The following GALNT18 variants were observed in gnomAD, a reference collection of about 807,000 sequenced individuals.
GALNT18 encodes the protein polypeptide N-acetylgalactosaminyltransferase 18.
Under a neutral mutation model 69.5 loss-of-function variants are expected in GALNT18, and 44 were observed. The ratio of observed to expected loss-of-function variants is 0.63; its 90% CI spans 0.50 to 0.81. The LOEUF (loss-of-function observed/expected upper bound fraction) is 0.81. Ranked by LOEUF, GALNT18 falls within the 40% of genes least tolerant of loss-of-function variation. The probability of loss-of-function intolerance (pLI) is 0.00; values close to 1 mark genes in which losing one functional copy is unlikely to be tolerated. For missense variants in GALNT18, 715 were observed against 810.0 expected (o/e 0.88, Z 1.42); for synonymous variants, 364 against 318.2 (o/e 1.14, Z -1.53).
intron 1 of GALNT18, among the ~76,000 whole-genome samples, chr11:11,484,359 G>A (rs572704163): frequency 6.6e-5 from 10 of 152,124 alleles, no homozygotes; most frequent in Admixed American, 2.0e-4. Flanking sequence ...CTGGGAGGCC[G>A]AGGTGGGCGG....
In GALNT18 at chr11:11,338,339, A is replaced by G. The variant is rs4909989; in HGVS notation, c.1278+2480T>C. Among the ~76,000 whole-genome samples, 25,824 of 151,886 alleles carry G rather than the reference A, an allele frequency of 0.17. 2,666 individuals are homozygous for G. The highest frequency in any genetic ancestry group is 0.33 in the Admixed American group (5,109 of 15,276). Reference sequence around the variant, plus strand: ...TTTTAAAGATAACTTTGGGTATTGTAGAGGATAGATTTGAAGGAGATAAAG... The same window carrying G: ...TTTTAAAGATAACTTTGGGTATTGTGGAGGATAGATTTGAAGGAGATAAAG... On this transcript the variant is annotated intron_variant, in intron 7 of 10. Transcript: ENST00000227756. This position sits in a 1 kb window ranked among gnomAD's most constrained non-coding sequence, Gnocchi z 5.3.
At position 11,389,457 on chromosome 11, in the gene GALNT18, AG is replaced by A. The variant is rs1226133550; in HGVS notation, c.596-10194del. On this transcript the variant is annotated intron_variant, in intron 3 of 10. Coordinates refer to ENST00000227756, the MANE Select transcript of GALNT18 (RefSeq NM_198516.3). This position sits in a 1 kb window ranked among gnomAD's most constrained non-coding sequence, Gnocchi z 4.3. ...TTGTACTTCCTGGGGCTGTGTGAGG[AG>A]GAAAATCCTGTAAAGTAAAGGTGGG... Among the ~76,000 whole-genome samples the A allele has an allele frequency of 6.6e-6, 1 of 152,206 alleles. No homozygotes were observed. The highest frequency in any genetic ancestry group is 1.5e-5 in the Non-Finnish European group (1 of 68,046).
At chr11:11,295,869 A>C (rs1007823982) in intron 9 of GALNT18, among the ~76,000 whole-genome samples, 1 of 152,182 alleles carries the variant, frequency 6.6e-6, no homozygotes, top group Non-Finnish European at 1.5e-5. Context: ...GTGGAAATGT[A>C]ACCAGAACAA....
At chr11:11,525,923 C>T (rs540094241) in intron 1 of GALNT18, among the ~76,000 whole-genome samples, 68 of 152,220 alleles carry the variant, frequency 4.5e-4, no homozygotes, top group Admixed American at 8.5e-4. Context: ...CATGAGCCAC[C>T]GTGCCCGGCC....
At chr11:11,483,227 C>G (rs1856571421) in intron 1 of GALNT18, among the ~76,000 whole-genome samples, 1 of 152,174 alleles carries the variant, frequency 6.6e-6, no homozygotes, top group Non-Finnish European at 1.5e-5. Context: ...TTTGCCAGCT[C>G]TACTCTTAGC....
At position 11,461,567 on chromosome 11, in the gene GALNT18, C is replaced by G. The variant is rs1245602529; in HGVS notation, c.236-12631G>C. ...AGCACATACCGTTATCCCCCCCGCTCCCGCCCGCCACCGAGCTGACAGCCC... is the reference window on the plus strand; with the variant it reads ...AGCACATACCGTTATCCCCCCCGCTGCCGCCCGCCACCGAGCTGACAGCCC... On this transcript the variant is annotated intron_variant, in intron 1 of 10. Coordinates refer to ENST00000227756, the MANE Select transcript of GALNT18 (RefSeq NM_198516.3). This position sits in a 1 kb window ranked among gnomAD's most constrained non-coding sequence, Gnocchi z 4.1. Among the ~76,000 whole-genome samples the G allele has an allele frequency of 1.3e-5, 2 of 152,164 alleles. No individual in the cohort carries two copies. The highest frequency in any genetic ancestry group is 1.3e-4 in the Admixed American group (2 of 15,278).
intron 10 of GALNT18, among the ~76,000 whole-genome samples, chr11:11,281,387 A>C (rs2132985608): frequency 6.6e-6 from 1 of 152,286 alleles, no homozygotes; most frequent in Non-Finnish European, 1.5e-5. Context: ...TATAAACCGT[A>C]CGGATCGGAG....
In GALNT18 at chr11:11,440,500, C is replaced by T. The variant is rs756276060; in HGVS notation, c.429-7713G>A. Among the ~76,000 whole-genome samples the T allele has an allele frequency of 5.3e-5, 8 of 152,168 alleles. No homozygotes were observed. The East Asian group carries it at 5.8e-4, about 11-fold the overall frequency. The stretch of plus-strand genomic sequence containing the variant: ...GATAGATCCGCAGGGCAAGGGAAGG[C>T]GGATTCTAAGGAAGAATGGGGCAAC... On this transcript the variant is annotated intron_variant, in intron 2 of 10. Transcript: ENST00000227756.
intron 1 of GALNT18, among the ~76,000 whole-genome samples, chr11:11,458,691 A>T (rs1312496135): frequency 2.0e-5 from 3 of 152,238 alleles, no homozygotes; most frequent in Non-Finnish European, 1.5e-5. Flanking sequence ...GAGGGATCAC[A>T]TCATAAACAG....
rs749116879 is a variant in GALNT18, at chr11:11,555,709, C to A, written c.235+65650G>T. Among the ~76,000 whole-genome samples, 3 of 152,186 alleles carry A rather than the reference C, an allele frequency of 2.0e-5. No individual in the cohort carries two copies. The highest frequency in any genetic ancestry group is 2.0e-4 in the Admixed American group (3 of 15,280). ...ACCAGGGAAGCAAGTAATGGTCAAG[C>A]CTTCCTGCAAGGGTGCACCTCCCTC... On this transcript the variant is annotated intron_variant, in intron 1 of 10. Coordinates refer to ENST00000227756, the MANE Select transcript of GALNT18 (RefSeq NM_198516.3). This position sits in a 1 kb window ranked among gnomAD's most constrained non-coding sequence, Gnocchi z 4.7.
At position 11,602,364 on chromosome 11, in the gene GALNT18, G is replaced by T. The variant is rs772792420; in HGVS notation, c.235+18995C>A. On this transcript the variant is annotated intron_variant, in intron 1 of 10. Transcript: ENST00000227756. This position sits in a 1 kb window ranked among gnomAD's most constrained non-coding sequence, Gnocchi z 4.7. ...GGGCAGCCCCAGACCACTCAACCAT[G>T]CTCTGCAACACAGAGCTGGGAGACA... Among the ~76,000 whole-genome samples the T allele has an allele frequency of 5.3e-5, 8 of 152,110 alleles. No homozygotes were observed. The highest frequency in any genetic ancestry group is 1.0e-4 in the Non-Finnish European group (7 of 68,014).
intron 10 of GALNT18, 140 bp from the exon 11 acceptor site, chr11:11,271,430 GCAGGCTCC>G: frequency 1.2e-6 from 1 of 803,826 alleles, no homozygotes; most frequent in Non-Finnish European, 2.0e-6. Context: ...CCATGAAACT[GCAGGCTCC>G]CCTATCACTC....
At position 11,601,432 on chromosome 11, in the gene GALNT18, G is replaced by A. The variant is rs1481945771; in HGVS notation, c.235+19927C>T. ...CCCTATCGAACCCCCTAGGATGACA[G>A]TGATTTTAGCAGAGCTCCTTTTAAC... is the stretch of plus-strand genomic sequence containing the variant. On this transcript the variant is annotated intron_variant, in intron 1 of 10. Coordinates refer to ENST00000227756, the MANE Select transcript of GALNT18 (RefSeq NM_198516.3). The surrounding 1 kb of genome is among the most constrained non-coding windows in gnomAD (Gnocchi z 4.0). Among the ~76,000 whole-genome samples, 1 of 152,204 alleles carries A rather than the reference G, an allele frequency of 6.6e-6. No homozygotes were observed. The highest frequency in any genetic ancestry group is 2.4e-5 in the African/African-American group (1 of 41,452).
At chr11:11,507,214 C>T (rs1178246207) in intron 1 of GALNT18, among the ~76,000 whole-genome samples, 1 of 152,160 alleles carries the variant, frequency 6.6e-6, no homozygotes, top group East Asian at 1.9e-4. Flanking sequence ...TTAAGTCTCT[C>T]ATTCATTCTA....
chr11:11,373,084 G>A (rs543443747), intron 5 of GALNT18, among the ~76,000 whole-genome samples: 1 of 152,274 alleles, frequency 6.6e-6, no homozygotes, highest in South Asian at 2.1e-4. Context: ...AAAGGGTTTT[G>A]GGTAGCAGGG....
intron 3 of GALNT18, among the ~76,000 whole-genome samples, chr11:11,416,751 C>T (rs1344795685): frequency 1.3e-5 from 2 of 152,162 alleles, no homozygotes; most frequent in South Asian, 4.1e-4. Context: ...CCCAGGGTAG[C>T]AGGTCACAGG....
rs1285849483 is a variant in GALNT18 at position 11,308,374 on chromosome 11, TG to T, written c.1513-15182del. Among the ~76,000 whole-genome samples the T allele has an allele frequency of 2.0e-5, 3 of 152,292 alleles. No individual in the cohort carries two copies. The East Asian group carries it at 5.8e-4, about 29-fold the overall frequency. The stretch of plus-strand genomic sequence containing the variant: ...ACATGAGATTTAATTTTTGTCTTTG[TG>T]GGGGTTTCTTATCCTCACTCCACCC... On this transcript the variant is annotated intron_variant, in intron 9 of 10. Transcript: ENST00000227756.
intron 9 of GALNT18, among the ~76,000 whole-genome samples, chr11:11,303,562 G>A (rs1462215544): frequency 1.3e-5 from 2 of 151,904 alleles, no homozygotes; most frequent in Non-Finnish European, 2.9e-5. Flanking sequence ...CTAGATAGAG[G>A]CTGAGCCCAA....
intron 1 of GALNT18, among the ~76,000 whole-genome samples, chr11:11,518,549 G>T (rs886577091): frequency 6.6e-6 from 1 of 152,176 alleles, no homozygotes; most frequent in Non-Finnish European, 1.5e-5. Flanking sequence ...AAATCTGAGG[G>T]TGGAGTGCAG....
Sources: allele counts gnomAD v4.1 joint callset (sites outside exome capture counted in the v4.1 genomes callset), GRCh38; gene constraint gnomAD v4.1.1; non-coding constraint Gnocchi (gnomAD v3.1); transcripts MANE v1.5; gene names NCBI Gene and HGNC (gene_info 2026-07-23, HGNC 2026-07-21).